The following CORIN variants were observed in gnomAD, a reference collection of about 807,000 sequenced individuals.
CORIN encodes the protein corin, serine peptidase, also known as atrial natriuretic peptide-converting enzyme.
CORIN carries 117 observed loss-of-function variants against 125.3 expected under a neutral mutation model. The observed-to-expected ratio is 0.93, with a 90% CI of 0.80 to 1.09. The LOEUF is 1.09. Ranked by LOEUF, CORIN falls within the 50% of genes least tolerant of loss-of-function variation. The pLI, the probability that CORIN is intolerant of heterozygous loss-of-function variation, is 0.00. For synonymous variants in CORIN, 450 were observed against 466.4 expected (o/e 0.96, Z 0.45); for missense variants, 1,253 against 1,306.7 (o/e 0.96, Z 0.63).
rs138656535 is a variant in CORIN, at chr4:47,685,035, G to A, written c.914-1197C>T. Among the ~76,000 whole-genome samples the A allele has an allele frequency of 2.9e-3, 435 of 152,208 alleles. 2 individuals are homozygous for A. Among genetic ancestry groups the A allele is most frequent in the African/African-American group, 9.6e-3 (398 of 41,532 alleles). On this transcript the variant is annotated intron_variant, in intron 6 of 21. Coordinates refer to ENST00000273857, the MANE Select transcript of CORIN (RefSeq NM_006587.4). ...GATGGATAATAGCAAGTATTGGCAA[G>A]GATTTTGAGAAAATGAATCTCATGG...
In CORIN at chr4:47,673,872, G is replaced by A. The variant is rs61760494; in HGVS notation, c.1357+521C>T. Among the ~76,000 whole-genome samples the A allele has an allele frequency of 4.7e-3, 715 of 152,268 alleles. 3 individuals are homozygous for A. Among genetic ancestry groups the A allele is most frequent in the Non-Finnish European group, 7.3e-3 (499 of 68,012 alleles). ...TGTAATCCTAGCTACTGTGGAGGCT[G>A]AGGCAGAAGAATCACTTGAATTTGG... On this transcript the variant is annotated intron_variant, in intron 10 of 21. Coordinates refer to ENST00000273857, the MANE Select transcript of CORIN (RefSeq NM_006587.4).
At chr4:47,692,827 T>C (rs990833621) in intron 6 of CORIN, 143 bp downstream of exon 6, 24 of 667,424 alleles carry the variant, frequency 3.6e-5, no homozygotes, top group South Asian at 1.1e-4. Context: ...TGTGCAAACA[T>C]GCTGCTGTCA....
intron 19 of CORIN, among the ~76,000 whole-genome samples, chr4:47,621,249 G>A (rs1722297394): frequency 6.6e-6 from 1 of 152,082 alleles, no homozygotes; most frequent in South Asian, 2.1e-4. Flanking sequence ...AGTCAAAAAA[G>A]GTAATACAAC....
intron 2 of CORIN, among the ~76,000 whole-genome samples, chr4:47,801,664 A>T (rs996377310): frequency 6.6e-6 from 1 of 152,254 alleles, no homozygotes; most frequent in African/African-American, 2.4e-5. Context: ...CATTGAGCTC[A>T]GTGCTGCCCT....
chr4:47,785,909 CAAAAAAAAAAAA>C (rs11313881), intron 3 of CORIN, among the ~76,000 whole-genome samples: 2 of 80,500 alleles, frequency 2.5e-5, no homozygotes, highest in Non-Finnish European at 2.4e-5. Flanking sequence ...GACTCCATCT[CAAAAAAAAAAAA>C]AAAAAAAAAG....
intron 5 of CORIN, among the ~76,000 whole-genome samples, chr4:47,695,053 A>T (rs1725926069): frequency 6.6e-6 from 1 of 152,208 alleles, no homozygotes; most frequent in Admixed American, 6.5e-5. Context: ...ACATCTATGG[A>T]TTTCAACTGC....
chr4:47,794,307 C>CA, intron 2 of CORIN, among the ~76,000 whole-genome samples: 2 of 152,164 alleles, frequency 1.3e-5, no homozygotes, highest in African/African-American at 4.8e-5. Flanking sequence ...ATTCAATGAT[C>CA]TCCAGTTCAT....
chr4:47,769,720 T>C (rs905966015), intron 3 of CORIN, among the ~76,000 whole-genome samples: 1 of 152,092 alleles, frequency 6.6e-6, no homozygotes. Context: ...CACACATTGA[T>C]GACCAATTGA....
intron 1 of CORIN, among the ~76,000 whole-genome samples, chr4:47,828,932 A>G (rs903551823): frequency 5.3e-5 from 8 of 151,932 alleles, no homozygotes; most frequent in Non-Finnish European, 1.0e-4. Flanking sequence ...GCCGAGGCGG[A>G]CGGATCACGA....
chr4:47,703,776 G>C (rs1161883116), intron 5 of CORIN, among the ~76,000 whole-genome samples: 1 of 152,138 alleles, frequency 6.6e-6, no homozygotes, highest in Non-Finnish European at 1.5e-5. Context: ...TTGCTTAAAG[G>C]GTTAACCTGC....
chr4:47,698,871 C>T (rs1274873759), intron 5 of CORIN, among the ~76,000 whole-genome samples: 1 of 152,152 alleles, frequency 6.6e-6, no homozygotes, highest in Admixed American at 6.5e-5. Context: ...TGTTTACATA[C>T]ACAAATGCTT....
intron 6 of CORIN, among the ~76,000 whole-genome samples, chr4:47,692,332 T>G (rs886187642): frequency 6.6e-6 from 1 of 152,238 alleles, no homozygotes; most frequent in African/African-American, 2.4e-5. Context: ...TAGCTTTGTT[T>G]ATTACAATGT....
At chr4:47,720,100 C>A (rs2109795333) in intron 5 of CORIN, among the ~76,000 whole-genome samples, 1 of 152,240 alleles carries the variant, frequency 6.6e-6, no homozygotes, top group African/African-American at 2.4e-5. Context: ...ATAAAAATAG[C>A]ATAAAATGTG....
At chr4:47,799,101 CATGGGGTGTGTGTGT>C (rs1731416568) in intron 2 of CORIN, among the ~76,000 whole-genome samples, 1 of 146,270 alleles carries the variant, frequency 6.8e-6, no homozygotes, top group African/African-American at 2.6e-5. Flanking sequence ...CATAGTATCC[CATGGGGTGTGTGTGT>C]GTGTGTGTGT....
chr4:47,825,823 G>A (rs1224741320), intron 1 of CORIN, among the ~76,000 whole-genome samples: 1 of 150,750 alleles, frequency 6.6e-6, no homozygotes, highest in Non-Finnish European at 1.5e-5. Flanking sequence ...GCCTCAGCCT[G>A]CCAACTAGCT....
At chr4:47,623,096 C>A (rs36038959) in intron 19 of CORIN, among the ~76,000 whole-genome samples, 13,314 of 101,904 alleles carry the variant, frequency 0.13, 966 homozygotes, top group Middle Eastern at 0.19. Context: ...CTCTCTCTCT[C>A]TATATATATA....
intron 3 of CORIN, among the ~76,000 whole-genome samples, chr4:47,782,004 G>C (rs541922741): frequency 6.6e-6 from 1 of 151,874 alleles, no homozygotes; most frequent in African/African-American, 2.4e-5. Flanking sequence ...TTAATAAAAG[G>C]TTCAATATAA....
In CORIN at chr4:47,600,342, A is replaced by G; in HGVS notation, c.2818T>C (p.Phe940Leu). Residue 940 changes from phenylalanine to leucine, a missense_variant, in exon 21 of 22, where the codon TTT (phenylalanine) becomes CTT (leucine). Coordinates refer to ENST00000273857, the MANE Select transcript of CORIN (RefSeq NM_006587.4). The stretch of plus-strand genomic sequence containing the variant: ...CGGACCTCTCCCTCTTGCAGCTTAA[A>G]TGGCACTGAATTTTTAAAAAATAAG... ...GWGHMGNKMPFKLQEGEVRII... is the reference protein window; with the variant it reads ...GWGHMGNKMPLKLQEGEVRII... 6.2e-7 allele frequency: 1 copy of G among 1,610,580 alleles called. No homozygotes were observed. The highest frequency in any genetic ancestry group is 1.3e-5 in the African/African-American group (1 of 74,960).
intron 1 of CORIN, among the ~76,000 whole-genome samples, chr4:47,819,072 A>C (rs1263104018): frequency 6.6e-6 from 1 of 152,088 alleles, no homozygotes; most frequent in Non-Finnish European, 1.5e-5. Flanking sequence ...AAATTTATGG[A>C]ATTAGGAAAA....
Sources: allele counts gnomAD v4.1 joint callset (sites outside exome capture counted in the v4.1 genomes callset), GRCh38; gene constraint gnomAD v4.1.1; transcripts MANE v1.5; gene names NCBI Gene and HGNC (gene_info 2026-07-23, HGNC 2026-07-21).